FAM149B1: variants seen among roughly 807,000 people sequenced by gnomAD.
FAM149B1 encodes the protein primary cilium assembly protein FAM149B1.
FAM149B1 carries 56 observed loss-of-function variants against 75.3 expected under a neutral mutation model. The ratio of observed to expected loss-of-function variants is 0.74; its 90% confidence interval spans 0.60 to 0.93. FAM149B1 has a LOEUF of 0.93. Among genes scored for constraint, FAM149B1 ranks in the 40% least tolerant of loss-of-function variants. FAM149B1 has a pLI of 0.00. For missense variants in FAM149B1, 639 were observed against 708.4 expected (o/e 0.90, Z 1.11); for synonymous variants, 259 against 256.1 (o/e 1.01, Z -0.11).
chr10:73,169,918 T>A (rs959893517), intron 1 of FAM149B1, among the ~76,000 whole-genome samples: 1 of 121,604 alleles, frequency 8.2e-6, no homozygotes, highest in Non-Finnish European at 1.6e-5. Context: ...TTTTTTTCCT[T>A]CATGGAGCTA....
chr10:73,234,715 C>T (rs1228318992), intron 10 of FAM149B1, 102 bp from the exon 11 acceptor site: 8 of 1,279,310 alleles, frequency 6.3e-6, no homozygotes, highest in Non-Finnish European at 4.3e-6. Context: ...TTTCTGTGCA[C>T]ATTAAACTCA....
chr10:73,232,834 T>C (rs1041339088), intron 9 of FAM149B1, 105 bp from the exon 10 acceptor site: 2 of 675,124 alleles, frequency 3.0e-6, no homozygotes, highest in African/African-American at 3.6e-5. Flanking sequence ...TTGCTTTATT[T>C]CCCCCTAAAT....
intron 13 of FAM149B1, among the ~76,000 whole-genome samples, chr10:73,239,928 T>TGAGG (rs2043903731): frequency 6.6e-6 from 1 of 152,188 alleles, no homozygotes; most frequent in Admixed American, 6.5e-5. Context: ...GGGAGAAAAT[T>TGAGG]GAGGGATGTC....
At chr10:73,212,794 T>C (rs1205780197) in intron 7 of FAM149B1, among the ~76,000 whole-genome samples, 1 of 152,132 alleles carries the variant, frequency 6.6e-6, no homozygotes, top group Non-Finnish European at 1.5e-5. Context: ...GTTGGATGCT[T>C]GTATGTCTTC....
intron 7 of FAM149B1, 145 bp from the exon 8 acceptor site, chr10:73,227,915 C>G: frequency 1.2e-6 from 1 of 829,382 alleles, no homozygotes; most frequent in Non-Finnish European, 1.9e-6. Flanking sequence ...TTTTTTGAAC[C>G]ATGCAGGTGG....
chr10:73,220,477 C>T (rs1205253873), intron 7 of FAM149B1, among the ~76,000 whole-genome samples: 6 of 152,160 alleles, frequency 3.9e-5, no homozygotes, highest in South Asian at 2.1e-4. Flanking sequence ...CATGAATGCT[C>T]ATAGCAGCAT....
At chr10:73,233,740 T>C (rs1469561234) in intron 10 of FAM149B1, among the ~76,000 whole-genome samples, 1 of 152,266 alleles carries the variant, frequency 6.6e-6, no homozygotes, top group Non-Finnish European at 1.5e-5. Flanking sequence ...TAGAATACTA[T>C]ATTGGGGTTA....
rs908449546 is a variant in FAM149B1, at chr10:73,228,239, T to C, written c.1023+55T>C. The C allele has an allele frequency of 2.1e-5, 32 of 1,502,048 alleles. No individual in the cohort carries two copies. In the Admixed American group the frequency reaches 2.2e-4, roughly 10 times the overall value. 93.0% of individuals were successfully genotyped at this position (1,502,048 alleles called of 1,614,324 possible). On this transcript the variant is annotated intron_variant, in intron 8 of 13. Coordinates refer to ENST00000242505, the MANE Select transcript of FAM149B1 (RefSeq NM_173348.2). ...CCAGGGCTACTCTCACCAGAGGAAA[T>C]TTGCTCAGAGTTGTTTGCCTTACTT...
intron 7 of FAM149B1, among the ~76,000 whole-genome samples, chr10:73,217,837 G>A (rs2043330352): frequency 6.6e-6 from 1 of 152,132 alleles, no homozygotes; most frequent in Non-Finnish European, 1.5e-5. Context: ...CTTAGAGTCT[G>A]TCTACTACAT....
intron 5 of FAM149B1, among the ~76,000 whole-genome samples, chr10:73,197,065 G>A (rs1458916580): frequency 6.6e-6 from 1 of 152,126 alleles, no homozygotes; most frequent in Non-Finnish European, 1.5e-5. Context: ...GTGCAGTGGT[G>A]CAATCACGGG....
chr10:73,195,199 ATACT>A (rs1269489707), intron 5 of FAM149B1, among the ~76,000 whole-genome samples: 1 of 152,122 alleles, frequency 6.6e-6, no homozygotes, highest in Non-Finnish European at 1.5e-5. Context: ...AGTTGTAGTA[ATACT>A]TACTTTTGGT....
At chr10:73,239,898 T>C (rs187267991) in intron 13 of FAM149B1, among the ~76,000 whole-genome samples, 1 of 152,334 alleles carries the variant, frequency 6.6e-6, no homozygotes, top group East Asian at 1.9e-4. Context: ...ACTCTGTAGA[T>C]GTACTAACAA....
intron 3 of FAM149B1, among the ~76,000 whole-genome samples, chr10:73,184,191 A>G (rs1303136047): frequency 6.6e-6 from 1 of 152,194 alleles, no homozygotes; most frequent in African/African-American, 2.4e-5. Context: ...TTGAATTTGA[A>G]CTAAGACAAA....
At chr10:73,178,502 A>AG (rs1844070848) in intron 3 of FAM149B1, among the ~76,000 whole-genome samples, 1 of 149,558 alleles carries the variant, frequency 6.7e-6, no homozygotes, top group South Asian at 2.2e-4. Context: ...AAAAAAAAAA[A>AG]CAACAACAAA....
chr10:73,189,448 G>A (rs746770445), intron 3 of FAM149B1, among the ~76,000 whole-genome samples: 15 of 152,148 alleles, frequency 9.9e-5, no homozygotes, highest in South Asian at 2.1e-4. Flanking sequence ...GTTTATATCA[G>A]CTTTATTCAT....
At chr10:73,219,758 C>A (rs1589177290) in intron 7 of FAM149B1, among the ~76,000 whole-genome samples, 1 of 152,188 alleles carries the variant, frequency 6.6e-6, no homozygotes, top group East Asian at 1.9e-4. Context: ...AATCAACTCA[C>A]AATGGATCAA....
chr10:73,180,401 G>T (rs369942255), intron 3 of FAM149B1, among the ~76,000 whole-genome samples: 7 of 152,332 alleles, frequency 4.6e-5, no homozygotes, highest in African/African-American at 1.7e-4. Flanking sequence ...GGTGGGACTA[G>T]ATCATTAGGG....
intron 2 of FAM149B1, 140 bp downstream of exon 2, chr10:73,174,931 T>C: frequency 1.7e-6 from 1 of 589,458 alleles, no homozygotes; most frequent in South Asian, 2.4e-5. Flanking sequence ...TACCATTTAG[T>C]TTTCATTCTG....
intron 1 of FAM149B1, among the ~76,000 whole-genome samples, chr10:73,170,306 C>T (rs1029379791): frequency 6.6e-6 from 1 of 152,070 alleles, no homozygotes; most frequent in Admixed American, 6.5e-5. Flanking sequence ...AGTTCAAAAC[C>T]AGCCTGGGCA....
Sources: gnomAD v4.1 joint callset for allele counts (sites outside exome capture counted in the v4.1 genomes callset) on GRCh38, gnomAD v4.1.1 for gene constraint, MANE v1.5 for transcripts, NCBI Gene and HGNC (gene_info 2026-07-23, HGNC 2026-07-21) for gene names.